The following CPNE4 variants were observed in gnomAD, a reference collection of about 807,000 sequenced individuals.
The protein encoded by CPNE4 is copine 4, also known as copine-4.
A neutral mutation model predicts 67.9 loss-of-function variants in CPNE4; 25 were observed. That is an observed-to-expected ratio of 0.37 (90% CI 0.27 to 0.51). CPNE4 has a LOEUF of 0.51. Ranked by LOEUF, CPNE4 falls within the 20% of genes least tolerant of loss-of-function variation. The probability of loss-of-function intolerance (pLI) is 0.93; values close to 1 mark genes in which losing one functional copy is unlikely to be tolerated. For missense variants in CPNE4, 464 were observed against 690.8 expected (o/e 0.67, Z 3.68); for synonymous variants, 242 against 244.9 (o/e 0.99, Z 0.11).
At chr3:131,556,003 A>C (rs1936437351) in intron 11 of CPNE4, among the ~76,000 whole-genome samples, 1 of 152,094 alleles carries the variant, frequency 6.6e-6, no homozygotes, top group Non-Finnish European at 1.5e-5. Context: ...TTGAGAGGTA[A>C]AGTGACTTGC....
intron 2 of CPNE4, among the ~76,000 whole-genome samples, chr3:131,824,197 G>A (rs767512080): frequency 1.1e-4 from 16 of 151,408 alleles, no homozygotes; most frequent in Non-Finnish European, 2.2e-4. Flanking sequence ...GGTGTGAGAA[G>A]CCCCATCTAA....
chr3:131,786,858 T>C (rs1023151010), intron 2 of CPNE4, among the ~76,000 whole-genome samples: 4 of 152,184 alleles, frequency 2.6e-5, no homozygotes, highest in Non-Finnish European at 4.4e-5. Context: ...AAATCATATT[T>C]GTATTGTCTG....
At chr3:131,598,243 T>G (rs925263159) in intron 7 of CPNE4, among the ~76,000 whole-genome samples, 3 of 152,154 alleles carry the variant, frequency 2.0e-5, no homozygotes, top group African/African-American at 7.2e-5. Flanking sequence ...CCTCCATACT[T>G]CAGTTTCCTA....
intron 7 of CPNE4, among the ~76,000 whole-genome samples, chr3:131,634,966 C>T (rs1279549168): frequency 6.6e-6 from 1 of 152,092 alleles, no homozygotes; most frequent in Non-Finnish European, 1.5e-5. Context: ...TTTTAAAGTT[C>T]AAATTATTTC....
chr3:131,863,792 C>T (rs1188603651), intron 2 of CPNE4, among the ~76,000 whole-genome samples: 2 of 152,198 alleles, frequency 1.3e-5, no homozygotes, highest in Non-Finnish European at 2.9e-5. Flanking sequence ...TGCCTATGTC[C>T]TGAATGGTAT....
intron 1 of CPNE4, among the ~76,000 whole-genome samples, chr3:131,996,593 T>G (rs554179572): frequency 5.3e-5 from 8 of 151,386 alleles, no homozygotes; most frequent in Non-Finnish European, 1.0e-4. Flanking sequence ...CTTAATGCAG[T>G]CCAGCACTCA....
chr3:131,805,309 T>A (rs896159372), intron 2 of CPNE4, among the ~76,000 whole-genome samples: 1 of 152,190 alleles, frequency 6.6e-6, no homozygotes, highest in African/African-American at 2.4e-5. Flanking sequence ...GTGCTTCCCA[T>A]GTTTGTGGCA....
intron 7 of CPNE4, among the ~76,000 whole-genome samples, chr3:131,615,218 G>T (rs899340023): frequency 1.3e-5 from 2 of 152,112 alleles, no homozygotes; most frequent in African/African-American, 4.8e-5. Context: ...TGTTTACCAA[G>T]ACATGGAGAG....
intron 1 of CPNE4, among the ~76,000 whole-genome samples, chr3:131,984,966 C>T (rs866316036): frequency 2.0e-5 from 3 of 152,166 alleles, no homozygotes; most frequent in Non-Finnish European, 2.9e-5. Flanking sequence ...CCTGGGGTGA[C>T]CTCTGTCTTA....
chr3:132,029,910 C>T (rs776088146), intron 1 of CPNE4, among the ~76,000 whole-genome samples: 1 of 152,134 alleles, frequency 6.6e-6, no homozygotes, highest in Non-Finnish European at 1.5e-5. Context: ...ACTTTATTGA[C>T]TCAATTGTGA....
Position 131,770,853 on chromosome 3 carries a change from T to C in CPNE4, c.181-47228A>G, listed in dbSNP as rs139458307. On this transcript the variant is annotated intron_variant, in intron 2 of 15. Coordinates refer to ENST00000429747, the MANE Select transcript of CPNE4 (RefSeq NM_130808.3). ...ACTTGGATCCCTGAATCTAAACTTC[T>C]AAAGACTTCACATCACTCAAAAGCT... is the stretch of plus-strand genomic sequence containing the variant. Among the ~76,000 whole-genome samples the C allele has an allele frequency of 1.3e-3, 198 of 152,326 alleles. 1 individual carries two copies. Among genetic ancestry groups the C allele is most frequent in the African/African-American group, 4.6e-3 (191 of 41,588 alleles).
intron 7 of CPNE4, among the ~76,000 whole-genome samples, chr3:131,600,625 T>C (rs907443613): frequency 6.8e-6 from 1 of 147,380 alleles, no homozygotes; most frequent in African/African-American, 2.6e-5. Context: ...ATTCTCCCAC[T>C]CTGACCCCGC....
At chr3:131,596,888 T>C (rs879055862) in intron 7 of CPNE4, among the ~76,000 whole-genome samples, 1 of 152,146 alleles carries the variant, frequency 6.6e-6, no homozygotes, top group Admixed American at 6.5e-5. Flanking sequence ...TCTTAATATA[T>C]GCACATCCTC....
At chr3:131,873,380 C>CA (rs1440261547) in intron 2 of CPNE4, among the ~76,000 whole-genome samples, 1 of 152,150 alleles carries the variant, frequency 6.6e-6, no homozygotes, top group Non-Finnish European at 1.5e-5. Context: ...ATTACTGTGG[C>CA]AAAGCTGGGC....
At chr3:131,980,570 C>G (rs1212939914) in intron 1 of CPNE4, among the ~76,000 whole-genome samples, 1 of 151,902 alleles carries the variant, frequency 6.6e-6, no homozygotes, top group Admixed American at 6.6e-5. Context: ...TTTAACCTAT[C>G]TATTTCATTG....
chr3:131,876,653 A>AAATAAAGAAAG (rs1553794943), intron 2 of CPNE4, among the ~76,000 whole-genome samples: 1 of 140,678 alleles, frequency 7.1e-6, no homozygotes, highest in Non-Finnish European at 1.5e-5. Flanking sequence ...AAAAAAAAAA[A>AAATAAAGAAAG]AAAGAAAGAA....
intron 1 of CPNE4, among the ~76,000 whole-genome samples, chr3:132,016,189 C>T (rs894624811): frequency 1.3e-5 from 2 of 152,306 alleles, no homozygotes; most frequent in African/African-American, 4.8e-5. Context: ...GGATTGAACT[C>T]AATCATACTA....
At chr3:131,794,500 C>A (rs566731406) in intron 2 of CPNE4, among the ~76,000 whole-genome samples, 6 of 152,176 alleles carry the variant, frequency 3.9e-5, no homozygotes, top group Non-Finnish European at 8.8e-5. Context: ...ACCTCGGCCT[C>A]CCAAAGTGCT....
intron 2 of CPNE4, among the ~76,000 whole-genome samples, chr3:131,768,738 C>A (rs1234545137): frequency 5.3e-5 from 8 of 152,078 alleles, no homozygotes; most frequent in Non-Finnish European, 1.2e-4. Flanking sequence ...GCACCACAAA[C>A]TCAATGCCAC....
Sources: allele counts gnomAD v4.1 joint callset (sites outside exome capture counted in the v4.1 genomes callset), GRCh38; gene constraint gnomAD v4.1.1; transcripts MANE v1.5; gene names NCBI Gene and HGNC (gene_info 2026-07-23, HGNC 2026-07-21).